SEMA3D: variants seen among roughly 807,000 people sequenced by gnomAD.
SEMA3D encodes the protein semaphorin-3D.
In SEMA3D, 84 loss-of-function variants were observed where a neutral mutation model predicts 100.1. That is an observed-to-expected ratio of 0.84 (90% confidence interval 0.70 to 1.01). The LOEUF (loss-of-function observed/expected upper bound fraction) is 1.01, where lower values mean the gene tolerates loss of function less well. Ranked by LOEUF, SEMA3D falls within the 50% of genes least tolerant of loss-of-function variation. The pLI is 0.00. For synonymous variants in SEMA3D, 312 were observed against 320.7 expected (o/e 0.97, Z 0.29); for missense variants, 875 against 934.1 (o/e 0.94, Z 0.82).
intron 2 of SEMA3D, among the ~76,000 whole-genome samples, chr7:85,132,807 T>C (rs2116438841): frequency 6.6e-6 from 1 of 152,116 alleles, no homozygotes; most frequent in Non-Finnish European, 1.5e-5. Context: ...AACACTGTTT[T>C]AGAAACATTA....
chr7:85,069,138 A>G (rs887475484), intron 6 of SEMA3D, among the ~76,000 whole-genome samples: 1 of 152,144 alleles, frequency 6.6e-6, no homozygotes, highest in African/African-American at 2.4e-5. Context: ...CACTTCAGAC[A>G]TTCTGTCTAG....
chr7:85,089,682 T>G (rs1343502038), intron 4 of SEMA3D, among the ~76,000 whole-genome samples: 1 of 152,034 alleles, frequency 6.6e-6, no homozygotes, highest in Non-Finnish European at 1.5e-5. Context: ...CCCAGAAGTT[T>G]GAGACCAGAC....
At chr7:85,217,782 TATACATGG>T in the SEMA3D span, among the ~76,000 whole-genome samples, 1 of 152,234 alleles carries the variant, frequency 6.6e-6, no homozygotes, top group African/African-American at 2.4e-5. Flanking sequence ...TTTCCTCATT[TATACATGG>T]AGATAATCGC....
chr7:85,050,753 A>G, intron 9 of SEMA3D: 1 of 519,674 alleles, frequency 1.9e-6, no homozygotes, highest in Non-Finnish European at 3.4e-6. Flanking sequence ...AAATTCTCCT[A>G]AAGATAAAGA....
intron 9 of SEMA3D, among the ~76,000 whole-genome samples, chr7:85,052,782 C>T (rs2372511): frequency 0.26 from 38,783 of 151,712 alleles, 5,054 homozygotes; most frequent in Non-Finnish European, 0.3. Flanking sequence ...GTGCATTTTG[C>T]GCAGAAATTA....
chr7:85,080,443 C>G (rs947456002), intron 5 of SEMA3D, among the ~76,000 whole-genome samples: 17 of 152,054 alleles, frequency 1.1e-4, no homozygotes, highest in Non-Finnish European at 1.9e-4. Context: ...ATCTATTCAT[C>G]CTTTCATATA....
chr7:85,120,124 C>T (rs1789366736), intron 3 of SEMA3D, among the ~76,000 whole-genome samples: 1 of 151,894 alleles, frequency 6.6e-6, no homozygotes, highest in Admixed American at 6.6e-5. Context: ...TCTTTGCTGC[C>T]TATTGCTCAA....
At chr7:85,003,953 T>C (rs1789725085) in intron 18 of SEMA3D, among the ~76,000 whole-genome samples, 1 of 152,168 alleles carries the variant, frequency 6.6e-6, no homozygotes, top group Non-Finnish European at 1.5e-5. Flanking sequence ...AGATAACAAA[T>C]GTCTTTAACT....
At chr7:85,083,272 T>C (rs1788114451) in intron 4 of SEMA3D, among the ~76,000 whole-genome samples, 1 of 152,108 alleles carries the variant, frequency 6.6e-6, no homozygotes, top group South Asian at 2.1e-4. Context: ...CATTTGTGCT[T>C]GAGGGTGCAT....
chr7:85,226,523 T>C, the SEMA3D span, among the ~76,000 whole-genome samples: 2 of 152,176 alleles, frequency 1.3e-5, no homozygotes, highest in Non-Finnish European at 2.9e-5. Flanking sequence ...AATTTTACTT[T>C]GATTTTTGTG....
At chr7:85,135,543 G>A (rs568819406) in intron 2 of SEMA3D, among the ~76,000 whole-genome samples, 19 of 151,880 alleles carry the variant, frequency 1.3e-4, no homozygotes, top group African/African-American at 4.6e-4. Flanking sequence ...CATTAGGGGA[G>A]ATAGCTAATG....
chr7:85,118,424 G>T (rs920231957), intron 3 of SEMA3D, among the ~76,000 whole-genome samples: 14 of 151,942 alleles, frequency 9.2e-5, no homozygotes, highest in African/African-American at 3.4e-4. Flanking sequence ...ATTGTATCTG[G>T]ACATTATGGA....
chr7:85,187,080 G>A (rs1584000391), upstream of SEMA3D, among the ~76,000 whole-genome samples: 3 of 152,072 alleles, frequency 2.0e-5, no homozygotes, highest in South Asian at 4.2e-4. Flanking sequence ...TGAAAACGCC[G>A]GGGATTACCT....
chr7:85,153,161 G>A (rs1267984671), intron 2 of SEMA3D, among the ~76,000 whole-genome samples: 1 of 152,058 alleles, frequency 6.6e-6, no homozygotes, highest in African/African-American at 2.4e-5. Context: ...GTATAAGCAG[G>A]TTTTGCATCC....
In SEMA3D at chr7:85,055,866, G is replaced by T; in HGVS notation, c.719-7C>A. 2 of 1,483,660 alleles carry T rather than the reference G, an allele frequency of 1.3e-6. No individual in the cohort carries two copies. Among genetic ancestry groups the T allele is most frequent in the Non-Finnish European group, 1.8e-6 (2 of 1,082,836 alleles). The allele number at this position is 1,483,660 out of a possible 1,614,324, so 91.9% of individuals were successfully genotyped here. Reference sequence around the variant, plus strand: ...GTTCCAATAAATTTTGCTCCTGTTTGAAAGAAAAGAAGCTATAAATTAAGA... The same window carrying T: ...GTTCCAATAAATTTTGCTCCTGTTTTAAAGAAAAGAAGCTATAAATTAAGA... On this transcript the variant is annotated splice_region_variant and splice_polypyrimidine_tract_variant and intron_variant, in intron 8 of 18. Transcript: ENST00000284136.
At chr7:85,012,972 G>A (rs757637556) in intron 16 of SEMA3D, 126 bp from the exon 17 acceptor site, 1 of 657,084 alleles carries the variant, frequency 1.5e-6, no homozygotes, top group East Asian at 2.8e-5. Context: ...CAACTTAAAT[G>A]CAAGTCAATA....
chr7:85,140,692 C>CT (rs1046067334), intron 2 of SEMA3D: 1 of 980,514 alleles, frequency 1.0e-6, no homozygotes, highest in African/African-American at 1.8e-5. Context: ...GTTAAGGAGT[C>CT]ATTATTAAGA....
chr7:85,125,447 T>C (rs554609405), intron 2 of SEMA3D, among the ~76,000 whole-genome samples: 1 of 152,198 alleles, frequency 6.6e-6, no homozygotes, highest in East Asian at 1.9e-4. Context: ...GTAACACTGT[T>C]CCTTGTAACC....
At chr7:85,146,272 T>C (rs1211076959) in intron 2 of SEMA3D, among the ~76,000 whole-genome samples, 1 of 151,820 alleles carries the variant, frequency 6.6e-6, no homozygotes, top group Non-Finnish European at 1.5e-5. Context: ...TAAAAATCCT[T>C]AGCCAGGAGT....
Sources: gnomAD v4.1 joint callset for allele counts (sites outside exome capture counted in the v4.1 genomes callset) on GRCh38, gnomAD v4.1.1 for gene constraint, MANE v1.5 for transcripts, NCBI Gene and HGNC (gene_info 2026-07-23, HGNC 2026-07-21) for gene names.